EPS15L1: variants seen among roughly 807,000 people sequenced by gnomAD.
EPS15L1 encodes the protein epidermal growth factor receptor pathway substrate 15 like 1.
EPS15L1 carries 43 observed loss-of-function variants against 117.1 expected under a neutral mutation model. The ratio of observed to expected loss-of-function variants is 0.37; its 90% CI spans 0.29 to 0.47. EPS15L1 has a LOEUF of 0.47. Ranked by LOEUF, EPS15L1 falls within the 20% of genes least tolerant of loss-of-function variation. The pLI is 0.99. For synonymous variants in EPS15L1, 459 were observed against 470.5 expected, an observed-to-expected ratio of 0.98 and a Z score of 0.32; for missense variants, 981 against 1,164.0, an observed-to-expected ratio of 0.84 and a Z score of 2.29.
chr19:16,421,499 A>C (rs1295948396), intron 9 of EPS15L1, 23 bp from the exon 10 acceptor site: 4 of 1,596,434 alleles, frequency 2.5e-6, no homozygotes, highest in Middle Eastern at 1.7e-4. Context: ...TTGGCAAAAC[A>C]GTTAATCTGG....
chr19:16,380,894 G>A (rs746422661), intron 21 of EPS15L1, among the ~76,000 whole-genome samples: 9 of 151,582 alleles, frequency 5.9e-5, no homozygotes, highest in South Asian at 2.1e-4. Context: ...GGCTATTTGC[G>A]TCCCGTCACA....
intron 21 of EPS15L1, among the ~76,000 whole-genome samples, chr19:16,382,812 GC>G (rs1447353884): frequency 6.6e-6 from 1 of 152,098 alleles, no homozygotes; most frequent in East Asian, 1.9e-4. Context: ...GGCCCGAAGA[GC>G]CTCCCAAAGG....
chr19:16,405,016 G>A lies in EPS15L1; in HGVS notation c.1267-267C>T, dbSNP rs1254600518. ...GTGCGAGAGAAGGGGCTGGGTCCCT[G>A]TGAGAAAAAGGCCCCAGCTCCCGGA... On this transcript the variant is annotated intron_variant, in intron 13 of 23. Coordinates refer to ENST00000455140, the MANE Select transcript of EPS15L1 (RefSeq NM_001258374.3). The surrounding 1 kb of genome is among the most constrained non-coding windows in gnomAD (Gnocchi z 4.0). Among the ~76,000 whole-genome samples the A allele has an allele frequency of 1.3e-5, 2 of 152,232 alleles. No individual in the cohort carries two copies. Among genetic ancestry groups the A allele is most frequent in the Non-Finnish European group, 2.9e-5 (2 of 68,048 alleles).
intron 22 of EPS15L1, among the ~76,000 whole-genome samples, chr19:16,367,789 CAA>C (rs1461902539): frequency 7.6e-6 from 1 of 130,810 alleles, no homozygotes; most frequent in African/African-American, 2.8e-5. Context: ...AAACAACAAA[CAA>C]ACAAAAAATT....
At chr19:16,445,340 G>A (rs2093072892) in intron 1 of EPS15L1, among the ~76,000 whole-genome samples, 1 of 152,214 alleles carries the variant, frequency 6.6e-6, no homozygotes, top group Admixed American at 6.5e-5. Context: ...AGCCCAGGGA[G>A]TATGGCTCAA....
chr19:16,362,445 G>A (rs2092068648), intron 22 of EPS15L1, among the ~76,000 whole-genome samples: 1 of 149,570 alleles, frequency 6.7e-6, no homozygotes, highest in Non-Finnish European at 1.5e-5. Flanking sequence ...TCACAACGTG[G>A]TATGGTTATT....
At position 16,471,257 on chromosome 19, in the gene EPS15L1, A is replaced by C. The variant is rs1339240342; in HGVS notation, c.33+656T>G. On this transcript the variant is annotated intron_variant, in intron 1 of 23. Transcript: ENST00000455140. The surrounding 1 kb of genome is among the most constrained non-coding windows in gnomAD (Gnocchi z 4.8). The stretch of plus-strand genomic sequence containing the variant: ...CCCAACGCACATTTGAGGGATGGAT[A>C]GAAAATGAATGAATGAAAGTCTCTC... Among the ~76,000 whole-genome samples, 1 of 152,232 alleles carries C rather than the reference A, an allele frequency of 6.6e-6. No homozygotes were observed. The highest frequency in any genetic ancestry group is 1.5e-5 in the Non-Finnish European group (1 of 68,028).
chr19:16,462,380 G>T (rs911634975), intron 1 of EPS15L1, among the ~76,000 whole-genome samples: 1 of 152,138 alleles, frequency 6.6e-6, no homozygotes, highest in Non-Finnish European at 1.5e-5. Flanking sequence ...GAAGTGGGGG[G>T]GAGGGCATGG....
intron 1 of EPS15L1, among the ~76,000 whole-genome samples, chr19:16,463,925 C>A (rs1338499360): frequency 6.6e-6 from 1 of 152,182 alleles, no homozygotes; most frequent in African/African-American, 2.4e-5. Context: ...GATGCAAACG[C>A]CTTGAGGCAA....
chr19:16,357,684 G>A (rs1451940088), intron 23 of EPS15L1: 1 of 152,388 alleles, frequency 6.6e-6, no homozygotes, highest in African/African-American at 2.4e-5. Flanking sequence ...GCTGGCCTCA[G>A]GACCCAGATG....
chr19:16,450,758 C>T (rs539332826), intron 1 of EPS15L1, among the ~76,000 whole-genome samples: 11 of 152,066 alleles, frequency 7.2e-5, no homozygotes, highest in South Asian at 4.2e-4. Flanking sequence ...GCTGGGATTA[C>T]AGGCGTGAGC....
intron 10 of EPS15L1, 77 bp downstream of exon 10, chr19:16,421,242 C>T: frequency 6.7e-7 from 1 of 1,489,094 alleles, no homozygotes; most frequent in Non-Finnish European, 9.1e-7. Flanking sequence ...GGCCCCCTGA[C>T]CACCACCCTC....
chr19:16,388,037 T>A (rs1488495063), intron 19 of EPS15L1, among the ~76,000 whole-genome samples: 1 of 152,190 alleles, frequency 6.6e-6, no homozygotes, highest in Non-Finnish European at 1.5e-5. Flanking sequence ...GCTGAAAGCT[T>A]ACCAAATTTG....
intron 1 of EPS15L1, among the ~76,000 whole-genome samples, chr19:16,455,229 T>C (rs1031238032): frequency 6.6e-6 from 1 of 152,176 alleles, no homozygotes; most frequent in Non-Finnish European, 1.5e-5. Context: ...GTGATCCTCC[T>C]GCCTTAGCCT....
At chr19:16,447,575 C>G (rs531020081) in intron 1 of EPS15L1, among the ~76,000 whole-genome samples, 5 of 152,130 alleles carry the variant, frequency 3.3e-5, no homozygotes, top group Admixed American at 2.6e-4. Context: ...GCCTGGCCAA[C>G]ATGATGAAAC....
In EPS15L1 at chr19:16,404,810, C is replaced by CG. The variant is rs908102037; in HGVS notation, c.1267-62dup. The CG allele has an allele frequency of 2.8e-5, 45 of 1,580,548 alleles. No individual in the cohort carries two copies. The Admixed American group carries it at 6.4e-4, about 22-fold the overall frequency. On this transcript the variant is annotated intron_variant, in intron 13 of 23. Coordinates refer to ENST00000455140, the MANE Select transcript of EPS15L1 (RefSeq NM_001258374.3). This position sits in a 1 kb window ranked among gnomAD's most constrained non-coding sequence, Gnocchi z 4.2. Reference sequence around the variant, plus strand: ...GAAAAATGAAGCATGTCCAAGATAACGGGGGGCAGCCTGGGCCAGAAGTCC... The same window carrying CG: ...GAAAAATGAAGCATGTCCAAGATAACGGGGGGGCAGCCTGGGCCAGAAGTCC...
At chr19:16,419,304 C>T (rs1329653016) in intron 10 of EPS15L1, among the ~76,000 whole-genome samples, 1 of 152,080 alleles carries the variant, frequency 6.6e-6, no homozygotes, top group Non-Finnish European at 1.5e-5. Context: ...ACTAAAAATA[C>T]AAAAATTAGC....
chr19:16,456,773 G>A (rs1364393140), intron 1 of EPS15L1, among the ~76,000 whole-genome samples: 1 of 152,200 alleles, frequency 6.6e-6, no homozygotes, highest in Non-Finnish European at 1.5e-5. Context: ...TATGACTGCA[G>A]CAGTAGGCAC....
At chr19:16,369,291 G>A (rs892700019) in intron 22 of EPS15L1, among the ~76,000 whole-genome samples, 3 of 152,182 alleles carry the variant, frequency 2.0e-5, no homozygotes, top group Admixed American at 1.3e-4. Flanking sequence ...CCCTGCGATC[G>A]CAGCGTTGAG....
Sources: allele counts gnomAD v4.1 joint callset (sites outside exome capture counted in the v4.1 genomes callset), GRCh38; gene constraint gnomAD v4.1.1; non-coding constraint Gnocchi (gnomAD v3.1); transcripts MANE v1.5; gene names NCBI Gene and HGNC (gene_info 2026-07-23, HGNC 2026-07-21).